The following SYNE1 variants were observed in gnomAD, a reference collection of about 807,000 sequenced individuals.
SYNE1 encodes nesprin-1.
A neutral mutation model predicts 1,111.0 loss-of-function variants in SYNE1; 616 were observed. The observed-to-expected ratio is 0.55, with a 90% CI of 0.52 to 0.59. The LOEUF is 0.59. Ranked by LOEUF, SYNE1 falls within the 20% of genes least tolerant of loss-of-function variation. The pLI is 0.00. For synonymous variants in SYNE1, 3,855 were observed against 3,825.8 expected (o/e 1.01, Z -0.28); for missense variants, 10,006 against 10,417.0 (o/e 0.96, Z 1.72).
chr6:152,321,808 G>A lies in SYNE1; in HGVS notation c.15996C>T (p.Ile5332=). 1.2e-6 allele frequency: 2 copies of A among 1,613,932 alleles called. No individual in the cohort carries two copies. Among genetic ancestry groups the A allele is most frequent in the Non-Finnish European group, 1.7e-6 (2 of 1,179,930 alleles). The change falls in exon 83 of 146, where the codon ATC becomes ATT. Residue 5332 remains isoleucine (I), a synonymous_variant. Coordinates refer to ENST00000367255, the MANE Select transcript of SYNE1 (RefSeq NM_182961.4). ...CCTGAACCCAACATTTCACAGAATT[G>A]ATCTGAGTCTCCACCATTTCTCGGT... ...LKDREMVETQ[I]NSVKCWVQET...
intron 130 of SYNE1, among the ~76,000 whole-genome samples, chr6:152,169,829 G>A (rs2064730962): frequency 6.6e-6 from 1 of 151,116 alleles, no homozygotes; most frequent in African/African-American, 2.4e-5. Flanking sequence ...AAAGAAAACT[G>A]CATTTTATAT....
intron 91 of SYNE1, among the ~76,000 whole-genome samples, chr6:152,308,138 A>T (rs892304495): frequency 1.3e-5 from 2 of 152,132 alleles, no homozygotes; most frequent in African/African-American, 4.8e-5. Flanking sequence ...AGATCAATGC[A>T]GCAAAGCTTT....
intron 27 of SYNE1, among the ~76,000 whole-genome samples, chr6:152,450,373 C>G (rs948646811): frequency 6.6e-6 from 1 of 152,066 alleles, no homozygotes; most frequent in African/African-American, 2.4e-5. Context: ...TGAGAAAGGA[C>G]TAATACATAA....
At chr6:152,206,734 G>C (rs1238202447) in intron 125 of SYNE1, among the ~76,000 whole-genome samples, 2 of 152,086 alleles carry the variant, frequency 1.3e-5, no homozygotes, top group Non-Finnish European at 2.9e-5. Flanking sequence ...GACCTGGTGC[G>C]GTGAGATGAG....
chr6:152,447,331 TAAC>T (rs2098601614), intron 29 of SYNE1, 124 bp downstream of exon 29: 16 of 1,069,306 alleles, frequency 1.5e-5, no homozygotes, highest in Non-Finnish European at 2.0e-5. Flanking sequence ...AAAAAAAGCA[TAAC>T]AACAATTCTG....
At chr6:152,136,850 G>A in intron 140 of SYNE1, 32 bp from the exon 141 acceptor site, 1 of 1,600,326 alleles carries the variant, frequency 6.2e-7, no homozygotes, top group Non-Finnish European at 8.6e-7. Flanking sequence ...ATCAAACAAG[G>A]ACAATAATGA....
Position 152,330,679 on chromosome 6 carries a change from G to A in SYNE1, c.14006C>T (p.Ala4669Val), listed in dbSNP as rs2096226694. 6 of 1,613,818 alleles carry A rather than the reference G, an allele frequency of 3.7e-6. No homozygotes were observed. The highest frequency in any genetic ancestry group is 4.2e-6 in the Non-Finnish European group (5 of 1,180,048). Reference sequence around the variant, plus strand: ...AGCATATTCCTTCCGAGCAAGAATTGCTTCCTGGACTTTATAGAACTTGTC... The same window carrying A: ...AGCATATTCCTTCCGAGCAAGAATTACTTCCTGGACTTTATAGAACTTGTC... ...AKDKFYKVQE[A>V]ILARKEYASL... The change falls in exon 78 of 146, where the codon GCA becomes GTA. Residue 4669 changes from alanine to valine, a missense_variant. Physicochemically the swap from Ala to Val is moderately conservative, Grantham distance 64 (BLOSUM62 0). This residue lies in a region of SYNE1 where 4,955 missense variants were observed against 5,017.2 expected (regional missense o/e 0.99). Coordinates refer to ENST00000367255, the MANE Select transcript of SYNE1 (RefSeq NM_182961.4).
rs2097634535 is a variant in SYNE1, at chr6:152,391,585, A to AAAAAAAAG, written c.7713-18_7713-17insCTTTTTTT. On this transcript the variant is annotated splice_polypyrimidine_tract_variant and intron_variant, in intron 51 of 145. Coordinates refer to ENST00000367255, the MANE Select transcript of SYNE1 (RefSeq NM_182961.4). Reference sequence around the variant, plus strand: ...AGAGACTCTCTGAAAAAAAGGAAAAAAAAAAAAAAGAAAAAAAATTAATTC... The same window carrying AAAAAAAAG: ...AGAGACTCTCTGAAAAAAAGGAAAAAAAAAAAAGAAAAAAAAAGAAAAAAAATTAATTC... 5 of 1,565,860 alleles carry AAAAAAAAG rather than the reference A, an allele frequency of 3.2e-6. No individual in the cohort carries two copies. In the African/African-American group the frequency reaches 5.9e-5, roughly 18 times the overall value.
intron 42 of SYNE1, among the ~76,000 whole-genome samples, chr6:152,411,725 A>G (rs546027): frequency 6.8e-6 from 1 of 146,802 alleles, no homozygotes; most frequent in African/African-American, 2.6e-5. Context: ...ACACACACAC[A>G]CACCCCCACA....
At chr6:152,260,458 T>C (rs1343034574) in intron 101 of SYNE1, among the ~76,000 whole-genome samples, 1 of 152,168 alleles carries the variant, frequency 6.6e-6, no homozygotes, top group Non-Finnish European at 1.5e-5. Flanking sequence ...CTTCCAGGAA[T>C]ACAGTGCTTT....
At chr6:152,310,348 A>G in intron 89 of SYNE1, 48 bp downstream of exon 89, 1 of 1,611,998 alleles carries the variant, frequency 6.2e-7, no homozygotes, top group East Asian at 2.2e-5. Flanking sequence ...ATCCTCTTTT[A>G]AAAATATAGG....
chr6:152,499,621 G>A (rs6907586), intron 10 of SYNE1, among the ~76,000 whole-genome samples: 4,031 of 152,050 alleles, frequency 0.027, 176 homozygotes, highest in African/African-American at 0.091. Flanking sequence ...AAATATTAAA[G>A]GTTCACTAGA....
chr6:152,172,341 T>C (rs954509438), intron 130 of SYNE1, among the ~76,000 whole-genome samples: 2 of 152,202 alleles, frequency 1.3e-5, no homozygotes, highest in African/African-American at 2.4e-5. Flanking sequence ...GGCATGTGGA[T>C]TATATCCCCA....
chr6:152,224,959 G>GTATATATATATATACATATATGTA (rs565059418), intron 116 of SYNE1, among the ~76,000 whole-genome samples: 1 of 145,336 alleles, frequency 6.9e-6, no homozygotes, highest in Non-Finnish European at 1.5e-5. Context: ...ATATATATGT[G>GTATATATATATATACATATATGTA]TATATATATA....
rs1404075263 is a variant in SYNE1, at chr6:152,367,317, T to C, written c.9873A>G (p.Glu3291=). The C allele has an allele frequency of 2.5e-6, 4 of 1,614,140 alleles. No homozygotes were observed. The African/African-American group carries it at 4.0e-5, about 16-fold the overall frequency. ...TCGCATCCGTCATCCAGTCTTGTAATTCTTTAATCCCAAGAGAGAACTGAT... is the reference window on the plus strand; with the variant it reads ...TCGCATCCGTCATCCAGTCTTGTAACTCTTTAATCCCAAGAGAGAACTGAT... ...EHNQFSLGIK[E]LQDWMTDAIH... is the part of the protein sequence containing the mutation. The change falls in exon 62 of 146, where the codon GAA becomes GAG. Residue 3291 remains glutamate (E), a synonymous_variant. Transcript: ENST00000367255.
At position 152,230,174 on chromosome 6, in the gene SYNE1, AG is replaced by A. The variant is rs1307371068; in HGVS notation, c.21195+372del. ...CAGCCTCCTGAGTAGCTGGGACTAC[AG>A]GGACAAGCACCACCACGTCTGGCTG... On this transcript the variant is annotated intron_variant, in intron 115 of 145. Coordinates refer to ENST00000367255, the MANE Select transcript of SYNE1 (RefSeq NM_182961.4). Among the ~76,000 whole-genome samples the A allele has an allele frequency of 9.9e-5, 15 of 152,204 alleles. No homozygotes were observed. The East Asian group carries it at 2.9e-3, about 29-fold the overall frequency.
At chr6:152,309,356 T>G (rs371443922) in intron 90 of SYNE1, among the ~76,000 whole-genome samples, 1 of 152,318 alleles carries the variant, frequency 6.6e-6, no homozygotes, top group African/African-American at 2.4e-5. Flanking sequence ...AACACTGTCA[T>G]TTCTTCCTGG....
At chr6:152,460,227 G>GTTCAAT (rs1205904230) in intron 21 of SYNE1, among the ~76,000 whole-genome samples, 1 of 152,146 alleles carries the variant, frequency 6.6e-6, no homozygotes, top group South Asian at 2.1e-4. Flanking sequence ...AATTGGAAAT[G>GTTCAAT]TTGACTTCAA....
At chr6:152,304,615 T>G (rs2095315984) in intron 91 of SYNE1, among the ~76,000 whole-genome samples, 1 of 152,138 alleles carries the variant, frequency 6.6e-6, no homozygotes, top group African/African-American at 2.4e-5. Flanking sequence ...TGAGCCACCA[T>G]GCCCGGCAAT....
Sources: gnomAD v4.1 joint callset for allele counts (sites outside exome capture counted in the v4.1 genomes callset) on GRCh38, gnomAD v4.1.1 for gene constraint, gnomAD v4.1.1 regional missense constraint, MANE v1.5 for transcripts, NCBI Gene and HGNC (gene_info 2026-07-23, HGNC 2026-07-21) for gene names.